The following WDR87 variants were observed in gnomAD, a reference collection of about 807,000 sequenced individuals.
The protein encoded by WDR87 is WD repeat-containing protein 87.
In WDR87, 56 loss-of-function variants were observed where a neutral mutation model predicts 83.3. The ratio of observed to expected loss-of-function variants is 0.67; its 90% CI spans 0.54 to 0.84. The LOEUF is 0.84. Among genes scored for constraint, WDR87 ranks in the 40% least tolerant of loss-of-function variants. The pLI is 0.00. For synonymous variants in WDR87, 1,173 were observed against 1,250.6 expected, an observed-to-expected ratio of 0.94 and a Z score of 1.31; for missense variants, 2,939 against 3,431.9, an observed-to-expected ratio of 0.86 and a Z score of 3.59.
intron 1 of WDR87, 82 bp from the exon 2 acceptor site, chr19:37,898,367 A>G: frequency 1.4e-6 from 2 of 1,448,512 alleles, no homozygotes; most frequent in Non-Finnish European, 1.8e-6. Flanking sequence ...CAATGAACTC[A>G]TGTTTATTGA....
rs532766383 is a variant in WDR87, at chr19:37,885,640, A to C, written c.8031T>G (p.Asn2677Lys). The change falls in exon 6 of 6, where the codon AAT becomes AAG. Residue 2677 changes from asparagine (N) to lysine (K), a missense_variant. Physicochemically the swap from Asn to Lys is moderately conservative, Grantham distance 94. This residue lies in a region of WDR87 where 2,160 missense variants were observed against 2,533.1 expected (regional missense o/e 0.85). Transcript: ENST00000447313. ...TGTAAGGTTCTCCTAGAAGATGCCA[A>C]TTTTTAGCCCTTGGGTCTGGAATCC... The part of the protein sequence containing the change: ...TKRIPDPRAK[N>K]WHLLGEPYRS... 50 of 1,551,740 alleles carry C rather than the reference A, an allele frequency of 3.2e-5. No individual in the cohort carries two copies. In the South Asian group the frequency reaches 5.4e-4, roughly 17 times the overall value.
At chr19:37,906,353 CTTG>C (rs1482994636) in intron 1 of WDR87, 143 bp downstream of exon 1, 8 of 152,324 alleles carry the variant, frequency 5.3e-5, no homozygotes, top group Admixed American at 5.2e-4. Flanking sequence ...GCCCCTGGGT[CTTG>C]TGGCTCCCGT....
rs1251084517 is a variant in WDR87 at position 37,890,281 on chromosome 19, A to G, written c.3395-5T>C. On this transcript the variant is annotated splice_polypyrimidine_tract_variant and splice_region_variant and intron_variant, in intron 5 of 5. Coordinates refer to ENST00000447313, the MANE Select transcript of WDR87 (RefSeq NM_001291088.2). ...GACCCCGCAACCATTTTTGGCCTGCAGTAAAAATCGAGAGATGGAGGTAAG... is the reference window on the plus strand; with the variant it reads ...GACCCCGCAACCATTTTTGGCCTGCGGTAAAAATCGAGAGATGGAGGTAAG... The G allele has an allele frequency of 2.6e-6, 4 of 1,516,696 alleles. No individual in the cohort carries two copies. Among genetic ancestry groups the G allele is most frequent in the Middle Eastern group, 1.7e-4 (1 of 5,816 alleles). The allele number at this position is 1,516,696 out of a possible 1,614,324, so 94.0% of individuals were successfully genotyped here. A position where few individuals can be genotyped will look rare whatever the true frequency, so the allele number is the denominator to read the frequency against.
chr19:37,895,957 C>CG, intron 3 of WDR87, 181 bp downstream of exon 3: 2 of 823,844 alleles, frequency 2.4e-6, no homozygotes, highest in Non-Finnish European at 3.6e-6. Context: ...TGGTTTACTT[C>CG]GGGGGAACCA....
In WDR87 at chr19:37,888,861, G is replaced by A; in HGVS notation, c.4810C>T (p.Gln1604Ter). ...EEKEQQVTEEQRHIQEEHKWA... is the reference protein window; with the variant it reads ...EEKEQQVTEE ...TTGTGTTCTTCTTGGATGTGTCTCTGCTCTTCTGTGACCTGCTGTTCTTTT... is the reference window on the plus strand; with the variant it reads ...TTGTGTTCTTCTTGGATGTGTCTCTACTCTTCTGTGACCTGCTGTTCTTTT... Residue 1604 changes from glutamine to a stop codon, truncating the protein, a stop_gained, in exon 6 of 6, where the codon CAG (glutamine) becomes TAG (stop). Coordinates refer to ENST00000447313, the MANE Select transcript of WDR87 (RefSeq NM_001291088.2). LOFTEE classifies it low-confidence loss of function (END_TRUNC). 1 of 1,551,584 alleles carries A rather than the reference G, an allele frequency of 6.4e-7. No homozygotes were observed. The highest frequency in any genetic ancestry group is 8.7e-7 in the Non-Finnish European group (1 of 1,147,002).
In WDR87 at chr19:37,885,545, G is replaced by A. The variant is rs1328368820; in HGVS notation, c.8126C>T (p.Thr2709Ile). ...ATGGGCACTTGGAAAAATGTCTCTG[G>A]TGGCAGGATAAAAGTATTGCATTTC... ...EMEMQYFYPA[T>I]RDIFPSAHAS... The change falls in exon 6 of 6, where the codon ACC becomes ATC. Residue 2709 changes from threonine (T) to isoleucine (I), a missense_variant. This residue lies in a region of WDR87 where 2,160 missense variants were observed against 2,533.1 expected (regional missense o/e 0.85). Coordinates refer to ENST00000447313, the MANE Select transcript of WDR87 (RefSeq NM_001291088.2). 4.5e-6 allele frequency: 7 copies of A among 1,551,718 alleles called. No homozygotes were observed. The East Asian group carries it at 1.5e-4, about 32-fold the overall frequency.
chr19:37,895,554 G>A, intron 3 of WDR87, 98 bp from the exon 4 acceptor site: 4 of 1,123,988 alleles, frequency 3.6e-6, no homozygotes, highest in Non-Finnish European at 3.7e-6. Context: ...GATCACCTGA[G>A]GTCAGGAGTT....
At position 37,886,615 on chromosome 19, in the gene WDR87, C is replaced by G. The variant is rs1460844829; in HGVS notation, c.7056G>C (p.Met2352Ile). The change falls in exon 6 of 6, where the codon ATG becomes ATC. Residue 2352 changes from methionine (M) to isoleucine (I), a missense_variant. Met to Ile is a conservative substitution (Grantham distance 10, BLOSUM62 1). Around this residue, in one of 3 missense-constraint regions of WDR87, gnomAD observed 2,160 missense variants for 2,533.1 expected, o/e 0.85. Transcript: ENST00000447313. Reference protein sequence around the residue: ...EEVFEEKEEIMSEEETESLSD... With the variant: ...EEVFEEKEEIISEEETESLSD... Reference sequence around the variant, plus strand: ...TCAAACTTTCTGTCTCTTCCTCACTCATAATTTCTTCTTTCTCCTCAAACA... The same window carrying G: ...TCAAACTTTCTGTCTCTTCCTCACTGATAATTTCTTCTTTCTCCTCAAACA... 1 of 1,535,628 alleles carries G rather than the reference C, an allele frequency of 6.5e-7. No homozygotes were observed. The highest frequency in any genetic ancestry group is 8.8e-7 in the Non-Finnish European group (1 of 1,140,174).
In WDR87 at chr19:37,886,772, TCCTCCTCCTCC is replaced by T; in HGVS notation, c.6888_6898del (p.Glu2297GlyfsTer46). 6.6e-7 allele frequency: 1 copy of T among 1,517,518 alleles called. No homozygotes were observed. Among genetic ancestry groups the T allele is most frequent in the Non-Finnish European group, 8.9e-7 (1 of 1,124,972 alleles). The allele number at this position is 1,517,518 out of a possible 1,614,324, so 94.0% of individuals were successfully genotyped here. A position where few individuals can be genotyped will look rare whatever the true frequency, so the allele number is the denominator to read the frequency against. On this transcript the variant is annotated frameshift_variant, in exon 6 of 6. Coordinates refer to ENST00000447313, the MANE Select transcript of WDR87 (RefSeq NM_001291088.2). LOFTEE classifies it low-confidence loss of function (END_TRUNC). ...CCTTTCCTCCTCCTCCTCCCTTTCCTCCTCCTCCTCCCTTTCCTCTTCTTCCTCCCTTTCCT... is the reference window on the plus strand; with the variant it reads ...CCTTTCCTCCTCCTCCTCCCTTTCCTCTTTCCTCTTCTTCCTCCCTTTCCT...
At position 37,886,705 on chromosome 19, in the gene WDR87, TTC is replaced by T. The variant is rs775080782; in HGVS notation, c.6964_6965del (p.Glu2322ArgfsTer24). ...EEGEEKQVEKEEEEKKKKKKE... is the reference protein window; with the variant it reads ...EEGEEKQVEKXEEEKKKKKKE... ...TTTTCTTCTTCTTCTTCTCCTCCTC[TTC>T]TTTCTCCACTTGCTTCTCCTCCCCT... is the stretch of plus-strand genomic sequence containing the variant. On this transcript the variant is annotated frameshift_variant, in exon 6 of 6. Transcript: ENST00000447313. LOFTEE classifies it low-confidence loss of function (END_TRUNC). 5.5e-5 allele frequency: 80 copies of T among 1,452,178 alleles called. No individual in the cohort carries two copies. Among genetic ancestry groups the T allele is most frequent in the Non-Finnish European group, 7.0e-5 (75 of 1,069,698 alleles). The allele number at this position is 1,452,178 out of a possible 1,614,324, so 90.0% of individuals were successfully genotyped here.
In WDR87 at chr19:37,894,226, T is replaced by C. The variant is rs1432741045; in HGVS notation, c.1477A>G (p.Ser493Gly). Residue 493 changes from serine to glycine, a missense_variant, in exon 4 of 6, where the codon AGC becomes GGC. Ser to Gly is a moderately conservative substitution (Grantham distance 56, BLOSUM62 0). Transcript: ENST00000447313. ...SGVIRVLSQH[S>G]CARLEKFMHF... The stretch of plus-strand genomic sequence containing the variant: ...ATGAATTTTTCTAATCGAGCACAGC[T>C]GTGCTGGGAGAGCACTCTTATCACA... The C allele has an allele frequency of 6.4e-7, 1 of 1,552,002 alleles. No homozygotes were observed. The highest frequency in any genetic ancestry group is 8.7e-7 in the Non-Finnish European group (1 of 1,147,068).
In WDR87 at chr19:37,887,746, T is replaced by C. The variant is rs987917175; in HGVS notation, c.5925A>G (p.Lys1975=). Residue 1975 remains lysine (K), a synonymous_variant, in exon 6 of 6, where the codon AAA becomes AAG. Coordinates refer to ENST00000447313, the MANE Select transcript of WDR87 (RefSeq NM_001291088.2). ...KQEKLAQEKM[K]LALEKAMVQG... is the part of the protein sequence containing the mutation. ...GGACCATTGCCTTCTCCAGAGCTAA[T>C]TTCATTTTTTCCTGGGCCAATTTCT... 2.0e-5 allele frequency: 31 copies of C among 1,552,216 alleles called. No individual in the cohort carries two copies. In the African/African-American group the frequency reaches 3.8e-4, roughly 19 times the overall value.
At position 37,889,194 on chromosome 19, in the gene WDR87, TC is replaced by T; in HGVS notation, c.4476del (p.Thr1493HisfsTer63). ...KQEGKLVMIE[R>X]TPSWQDWKKA... ...TTTTTCCAGTCCTGCCAAGATGGTGTCCTCTCAATCATAACCAGTTTTCCTT... is the reference window on the plus strand; with the variant it reads ...TTTTTCCAGTCCTGCCAAGATGGTGTCTCTCAATCATAACCAGTTTTCCTT... On this transcript the variant is annotated frameshift_variant, in exon 6 of 6. Transcript: ENST00000447313. LOFTEE classifies it low-confidence loss of function (END_TRUNC). 1 of 1,552,230 alleles carries T rather than the reference TC, an allele frequency of 6.4e-7. No individual in the cohort carries two copies. Among genetic ancestry groups the T allele is most frequent in the Non-Finnish European group, 8.7e-7 (1 of 1,147,122 alleles).
rs778107009 is a variant in WDR87, at chr19:37,888,528, C to T, written c.5143G>A (p.Glu1715Lys). 3.9e-6 allele frequency: 6 copies of T among 1,551,660 alleles called. No individual in the cohort carries two copies. The South Asian group carries it at 7.1e-5, about 18-fold the overall frequency. ...CCTCCTTTCTTTGCTAGTTTCTCTTCTTCTCTAGCCACTTTCTCCCATTTC... is the reference window on the plus strand; with the variant it reads ...CCTCCTTTCTTTGCTAGTTTCTCTTTTTCTCTAGCCACTTTCTCCCATTTC... Reference protein sequence around the residue: ...AKKWEKVAREEEKLAKKGGKL... With the variant: ...AKKWEKVAREKEKLAKKGGKL... The change falls in exon 6 of 6, where the codon GAA (glutamate) becomes AAA (lysine). Residue 1715 changes from glutamate (E) to lysine (K), a missense_variant. Glu to Lys is a moderately conservative substitution (Grantham distance 56, BLOSUM62 1). Coordinates refer to ENST00000447313, the MANE Select transcript of WDR87 (RefSeq NM_001291088.2).
Position 37,888,495 on chromosome 19 carries a change from C to T in WDR87, c.5176G>A (p.Ala1726Thr), listed in dbSNP as rs2046171777. The T allele has an allele frequency of 1.3e-6, 2 of 1,551,850 alleles. No homozygotes were observed. Among genetic ancestry groups the T allele is most frequent in the Non-Finnish European group, 1.7e-6 (2 of 1,147,016 alleles). ...TGGGCCAATATGTTTTTCACCTCAGCCAGTTTCCCTCCTTTCTTTGCTAGT... is the reference window on the plus strand; with the variant it reads ...TGGGCCAATATGTTTTTCACCTCAGTCAGTTTCCCTCCTTTCTTTGCTAGT... ...EKLAKKGGKL[A>T]EVKNILAQKV... Residue 1726 changes from alanine to threonine, a missense_variant, in exon 6 of 6, where the codon GCT becomes ACT. Coordinates refer to ENST00000447313, the MANE Select transcript of WDR87 (RefSeq NM_001291088.2).
At position 37,893,567 on chromosome 19, in the gene WDR87, G is replaced by C. The variant is rs202192478; in HGVS notation, c.2136C>G (p.Thr712=). Residue 712 remains threonine (T), a synonymous_variant, in exon 4 of 6, where the codon ACC becomes ACG. Coordinates refer to ENST00000447313, the MANE Select transcript of WDR87 (RefSeq NM_001291088.2). The part of the protein sequence containing the change: ...FIPSFFFSFE[T]MFVPKYIYPG... ...GGTAGATGTACTTGGGCACAAACATGGTCTCAAAGGAGAAGAAGAAGCTTG... is the reference window on the plus strand; with the variant it reads ...GGTAGATGTACTTGGGCACAAACATCGTCTCAAAGGAGAAGAAGAAGCTTG... 6.4e-7 allele frequency: 1 copy of C among 1,551,820 alleles called. No homozygotes were observed. The highest frequency in any genetic ancestry group is 8.7e-7 in the Non-Finnish European group (1 of 1,147,054).
chr19:37,886,995 C>A lies in WDR87; in HGVS notation c.6676G>T (p.Glu2226Ter), dbSNP rs2046154350. The change falls in exon 6 of 6, where the codon GAA (glutamate) becomes TAA (stop). Residue 2226 changes from glutamate (E) to a stop codon, truncating the protein, a stop_gained. Transcript: ENST00000447313. LOFTEE classifies it low-confidence loss of function (END_TRUNC). ...CGTTTAAGGAATGGGATTACCTCTT[C>A]TTCTTCTATTCCTCCTTCCTCTTCA... is the stretch of plus-strand genomic sequence containing the variant. The part of the protein sequence containing the change: ...DDEEEGGIEE[E>*]EVIPFLKRRW... 6.4e-7 allele frequency: 1 copy of A among 1,552,108 alleles called. No individual in the cohort carries two copies. Among genetic ancestry groups the A allele is most frequent in the Non-Finnish European group, 8.7e-7 (1 of 1,147,100 alleles).
chr19:37,899,796 G>C (rs2046282789), intron 1 of WDR87, among the ~76,000 whole-genome samples: 1 of 152,062 alleles, frequency 6.6e-6, no homozygotes, highest in Non-Finnish European at 1.5e-5. Flanking sequence ...GTGGGGGTGG[G>C]GTAGGGATGA....
Position 37,892,862 on chromosome 19 carries a change from G to T in WDR87, c.2841C>A (p.Ile947=), listed in dbSNP as rs2046218397. ...CTGGGGACACCTGGTAAGAGGCAAAGATTTGCCCTAGTGCACCAACACAGC... is the reference window on the plus strand; with the variant it reads ...CTGGGGACACCTGGTAAGAGGCAAATATTTGCCCTAGTGCACCAACACAGC... ...YQCCVGALGQ[I]FASYQVSPAL... The change falls in exon 4 of 6, where the codon ATC becomes ATA. Residue 947 remains isoleucine, a synonymous_variant. Coordinates refer to ENST00000447313, the MANE Select transcript of WDR87 (RefSeq NM_001291088.2). The T allele has an allele frequency of 6.4e-7, 1 of 1,551,918 alleles. No individual in the cohort carries two copies. Among genetic ancestry groups the T allele is most frequent in the African/African-American group, 1.4e-5 (1 of 73,172 alleles).
Sources: allele counts gnomAD v4.1 joint callset (sites outside exome capture counted in the v4.1 genomes callset), GRCh38; gene constraint gnomAD v4.1.1; regional missense constraint gnomAD v4.1.1; transcripts MANE v1.5; gene names NCBI Gene and HGNC (gene_info 2026-07-23, HGNC 2026-07-21).